The following LMBR1L variants were observed in gnomAD, a reference collection of about 807,000 sequenced individuals.
The protein encoded by LMBR1L is protein LMBR1L.
In LMBR1L, 47 loss-of-function variants were observed where a neutral mutation model predicts 67.3. That is an observed-to-expected ratio of 0.70 (90% CI 0.55 to 0.89). The LOEUF (loss-of-function observed/expected upper bound fraction) is 0.89. LMBR1L is among the 40% of genes least tolerant of loss of function. The pLI, the probability that LMBR1L is intolerant of heterozygous loss-of-function variation, is 0.00. For synonymous variants in LMBR1L, 247 were observed against 250.3 expected, an observed-to-expected ratio of 0.99 and a Z score of 0.13; for missense variants, 533 against 599.2, an observed-to-expected ratio of 0.89 and a Z score of 1.15.
chr12:49,097,812 C>A (rs1939583408), intron 16 of LMBR1L, 73 bp from the exon 17 acceptor site: 1 of 1,606,432 alleles, frequency 6.2e-7, no homozygotes, highest in African/African-American at 1.3e-5. Flanking sequence ...AGCCAAGCCA[C>A]AGAATGTGTG....
chr12:49,107,282 C>A (rs1477357843), intron 1 of LMBR1L, among the ~76,000 whole-genome samples: 2 of 152,238 alleles, frequency 1.3e-5, no homozygotes. Flanking sequence ...GGGGAAACAG[C>A]AACATGCCCA....
At chr12:49,098,210 G>A in intron 15 of LMBR1L, 105 bp from the exon 16 acceptor site, 1 of 1,237,196 alleles carries the variant, frequency 8.1e-7, no homozygotes, top group South Asian at 1.4e-5. Flanking sequence ...CACTGCAACT[G>A]ATAGGTTGGC....
chr12:49,110,455 G>T, intron 1 of LMBR1L, 29 bp downstream of exon 1: 1 of 1,608,848 alleles, frequency 6.2e-7, no homozygotes, highest in Non-Finnish European at 8.5e-7. Context: ...CGCAACCCCC[G>T]CTTCTCCTCG....
intron 1 of LMBR1L, among the ~76,000 whole-genome samples, chr12:49,109,246 A>C (rs923678228): frequency 2.0e-5 from 3 of 152,278 alleles, no homozygotes; most frequent in African/African-American, 4.8e-5. Context: ...CCAAGGTCTC[A>C]TCCCTCCCTG....
intron 11 of LMBR1L, 155 bp from the exon 12 acceptor site, chr12:49,101,704 AAC>A: frequency 1.6e-6 from 1 of 613,672 alleles, no homozygotes; most frequent in Admixed American, 3.0e-5. Flanking sequence ...TGCTATTAGC[AAC>A]AGAGTGCCTT....
chr12:49,106,710 T>A, intron 2 of LMBR1L: 1 of 1,009,690 alleles, frequency 9.9e-7, no homozygotes, highest in Non-Finnish European at 1.5e-6. Flanking sequence ...CACAATGGAG[T>A]AGGTAGACAT....
At chr12:49,099,581 C>CTTT (rs869070798) in intron 15 of LMBR1L, among the ~76,000 whole-genome samples, 1 of 139,922 alleles carries the variant, frequency 7.1e-6, no homozygotes, top group Non-Finnish European at 1.6e-5. Flanking sequence ...CACTCTTGAA[C>CTTT]TTTTTTTTTT....
chr12:49,103,008 A>G (rs1565590870), intron 7 of LMBR1L, 57 bp from the exon 8 acceptor site: 3 of 1,603,306 alleles, frequency 1.9e-6, no homozygotes, highest in Middle Eastern at 1.7e-4. Context: ...CTTCCCTAAC[A>G]TGCCCCCCAT....
chr12:49,102,729 C>A (rs914013471), intron 8 of LMBR1L, among the ~76,000 whole-genome samples, 158 bp downstream of exon 8: 3 of 152,180 alleles, frequency 2.0e-5, no homozygotes. Context: ...TGTCTAGTGA[C>A]CAGCTCTGCA....
intron 11 of LMBR1L, 86 bp from the exon 12 acceptor site, chr12:49,101,635 A>G (rs1371941946): frequency 2.1e-6 from 2 of 964,108 alleles, no homozygotes; most frequent in Non-Finnish European, 1.6e-6. Flanking sequence ...CTGGTCCAAC[A>G]TTTTCAGTTT....
At chr12:49,108,540 C>T (rs1283645156) in intron 1 of LMBR1L, among the ~76,000 whole-genome samples, 2 of 116,398 alleles carry the variant, frequency 1.7e-5, no homozygotes, top group Non-Finnish European at 3.2e-5. Flanking sequence ...CCAGCTCTGG[C>T]AACAGAGCAA....
At chr12:49,105,999 A>G (rs780234207) in intron 2 of LMBR1L, 42 bp from the exon 3 acceptor site, 2 of 1,586,390 alleles carry the variant, frequency 1.3e-6, no homozygotes, top group Non-Finnish European at 1.7e-6. Context: ...GGAGGACATC[A>G]GGGGGCAGCT....
In LMBR1L at chr12:49,101,113, G is replaced by A; in HGVS notation, c.1082+137C>T. On this transcript the variant is annotated intron_variant, in intron 13 of 16. Coordinates refer to ENST00000267102, the MANE Select transcript of LMBR1L (RefSeq NM_018113.4). The stretch of plus-strand genomic sequence containing the variant: ...TCTTTTCCTTCTTTCTGAACCTGAG[G>A]TTGATGAAAACTTGCCCCACTTCCC... The A allele has an allele frequency of 1.9e-6, 3 of 1,573,562 alleles. No individual in the cohort carries two copies. The South Asian group carries it at 3.5e-5, about 18-fold the overall frequency.
At chr12:49,110,198 C>A (rs1164797403) in intron 1 of LMBR1L, 1 of 542,230 alleles carries the variant, frequency 1.8e-6, no homozygotes, top group Non-Finnish European at 3.4e-6. Context: ...ACCCCGGAGA[C>A]CCCCAACAGG....
In LMBR1L at chr12:49,097,324, C is replaced by T. The variant is rs1939518075; in HGVS notation, c.*348G>A. ...GAGCCTGCCCTGGCCCAGTCCTTTC[C>T]CTGCCCCTACCCCACCCTATTGCAC... is the stretch of plus-strand genomic sequence containing the variant. On this transcript the variant is annotated 3_prime_UTR_variant, in exon 17 of 17. Coordinates refer to ENST00000267102, the MANE Select transcript of LMBR1L (RefSeq NM_018113.4). The T allele has an allele frequency of 7.3e-6, 2 of 272,452 alleles. No homozygotes were observed. The highest frequency in any genetic ancestry group is 1.5e-4 in the East Asian group (2 of 13,538). 16.9% of individuals were successfully genotyped at this position (272,452 alleles called of 1,614,324 possible). A position where few individuals can be genotyped will look rare whatever the true frequency, so the allele number is the denominator to read the frequency against.
Position 49,104,796 on chromosome 12 carries a change from G to A in LMBR1L, c.281C>T (p.Ser94Phe), listed in dbSNP as rs1940689125. 1.2e-6 allele frequency: 2 copies of A among 1,613,886 alleles called. No individual in the cohort carries two copies. The highest frequency in any genetic ancestry group is 1.7e-5 in the Admixed American group (1 of 59,966). The change falls in exon 4 of 17, where the codon TCC (serine) becomes TTC (phenylalanine). Residue 94 changes from serine (S) to phenylalanine (F), a missense_variant. Physicochemically the swap from Ser to Phe is radical, Grantham distance 155. Around this residue, in one of 3 missense-constraint regions of LMBR1L, gnomAD observed 246 missense variants for 249.0 expected, o/e 0.99. Transcript: ENST00000267102. The part of the protein sequence containing the change: ...FSIISNEVLL[S>F]LPRNYYIQWL... ...CTGGATGTAGTAGTTCCGAGGCAGG[G>A]AGAGCAGCACCTCATTGCTGATGAT...
At chr12:49,100,477 G>C in intron 14 of LMBR1L, 23 bp from the exon 15 acceptor site, 1 of 1,612,356 alleles carries the variant, frequency 6.2e-7, no homozygotes, top group Non-Finnish European at 8.5e-7. Context: ...AGGGAAAGGA[G>C]AGGTGAGGGT....
At chr12:49,105,868 C>T (rs375255713) in intron 3 of LMBR1L, 56 bp downstream of exon 3, 5 of 1,491,010 alleles carry the variant, frequency 3.4e-6, no homozygotes, top group Admixed American at 3.6e-5. Flanking sequence ...CCAGGCCTCC[C>T]TAGATCCCAG....
At chr12:49,099,201 G>A (rs1481016222) in intron 15 of LMBR1L, among the ~76,000 whole-genome samples, 3 of 145,596 alleles carry the variant, frequency 2.1e-5, no homozygotes, top group African/African-American at 5.1e-5. Flanking sequence ...ATCTTGGCTC[G>A]CTGCAACCTC....
Sources: allele counts gnomAD v4.1 joint callset (sites outside exome capture counted in the v4.1 genomes callset), GRCh38; gene constraint gnomAD v4.1.1; regional missense constraint gnomAD v4.1.1; transcripts MANE v1.5; gene names NCBI Gene and HGNC (gene_info 2026-07-23, HGNC 2026-07-21).